Variants in STARD13 observed in about 807,000 individuals in gnomAD.
STARD13 encodes the protein stAR-related lipid transfer protein 13.
A neutral mutation model predicts 106.4 loss-of-function variants in STARD13; 62 were observed. The observed-to-expected ratio is 0.58, with a 90% CI of 0.48 to 0.72. The LOEUF (loss-of-function observed/expected upper bound fraction) is 0.72, where lower values mean the gene tolerates loss of function less well. STARD13 is among the 30% of genes least tolerant of loss of function. The pLI is 0.00. For missense variants in STARD13, 1,387 were observed against 1,424.0 expected, an observed-to-expected ratio of 0.97 and a Z score of 0.42; for synonymous variants, 565 against 553.0, an observed-to-expected ratio of 1.02 and a Z score of -0.31.
chr13:33,161,129 A>G (rs1245948588), intron 3 of STARD13, among the ~76,000 whole-genome samples: 5 of 152,216 alleles, frequency 3.3e-5, no homozygotes, highest in Non-Finnish European at 7.3e-5. Flanking sequence ...ATGAATTTTT[A>G]TTATTTTATA....
At chr13:33,556,011 G>T in the STARD13 span, among the ~76,000 whole-genome samples, 201 of 152,252 alleles carry the variant, frequency 1.3e-3, no homozygotes, top group Non-Finnish European at 2.4e-3. Context: ...TAGACACAGG[G>T]CTCTTTAGCT....
intron 4 of STARD13, among the ~76,000 whole-genome samples, chr13:33,141,842 C>T (rs1337542712): frequency 6.6e-6 from 1 of 151,852 alleles, no homozygotes; most frequent in African/African-American, 2.4e-5. Flanking sequence ...GAAAGATCAC[C>T]ATAAAGCACC....
intron 3 of STARD13, among the ~76,000 whole-genome samples, chr13:33,148,141 A>G (rs1880799558): frequency 6.6e-6 from 1 of 152,248 alleles, no homozygotes; most frequent in Non-Finnish European, 1.5e-5. Context: ...GAGAAAATCT[A>G]CATGACTTTG....
At chr13:33,457,846 G>T in the STARD13 span, among the ~76,000 whole-genome samples, 1 of 152,270 alleles carries the variant, frequency 6.6e-6, no homozygotes, top group Admixed American at 6.5e-5. Flanking sequence ...CATATTGGGG[G>T]TTAGATTTCA....
intron 8 of STARD13, among the ~76,000 whole-genome samples, chr13:33,114,514 T>C (rs778069827): frequency 3.3e-5 from 5 of 152,224 alleles, no homozygotes; most frequent in Non-Finnish European, 5.9e-5. Flanking sequence ...AGAGCCGTTT[T>C]GTTAAAATTA....
the STARD13 span, among the ~76,000 whole-genome samples, chr13:33,663,315 C>A: frequency 6.6e-6 from 1 of 151,580 alleles, no homozygotes; most frequent in Non-Finnish European, 1.5e-5. Context: ...CTTAAAAGAT[C>A]CAAAAATATT....
At chr13:33,568,948 T>C in the STARD13 span, among the ~76,000 whole-genome samples, 9 of 147,872 alleles carry the variant, frequency 6.1e-5, no homozygotes, top group African/African-American at 2.2e-4. Context: ...TTTTTTAAAC[T>C]ACCAATAACC....
At chr13:33,655,418 A>G in the STARD13 span, among the ~76,000 whole-genome samples, 5 of 152,226 alleles carry the variant, frequency 3.3e-5, no homozygotes, top group East Asian at 7.7e-4. Flanking sequence ...TAATTTAATG[A>G]GAGGCAAGTC....
the STARD13 span, among the ~76,000 whole-genome samples, chr13:33,440,859 G>A: frequency 3.2e-5 from 4 of 126,774 alleles, no homozygotes; most frequent in Admixed American, 2.0e-4. Context: ...CAAGTGATCC[G>A]CCCACCTCGG....
chr13:33,297,766 T>C (rs1005343398), intron 1 of STARD13, among the ~76,000 whole-genome samples: 2 of 152,182 alleles, frequency 1.3e-5, no homozygotes, highest in Non-Finnish European at 2.9e-5. Context: ...ACCAATGATA[T>C]ATGATACGGG....
upstream of STARD13, among the ~76,000 whole-genome samples, chr13:33,351,992 C>G (rs2078083364): frequency 6.6e-6 from 1 of 152,132 alleles, no homozygotes; most frequent in African/African-American, 2.4e-5. Context: ...TCTTTATTGT[C>G]TTATTTTGTT....
the STARD13 span, among the ~76,000 whole-genome samples, chr13:33,543,365 GT>G: frequency 1.3e-5 from 2 of 152,170 alleles, no homozygotes; most frequent in African/African-American, 4.8e-5. Context: ...TTTCAGAAAG[GT>G]AGCCTCAGAA....
the STARD13 span, among the ~76,000 whole-genome samples, chr13:33,512,964 C>A: frequency 1.3e-5 from 2 of 152,194 alleles, no homozygotes; most frequent in Non-Finnish European, 2.9e-5. Context: ...GGTTAAGCCA[C>A]CCAATGTGTG....
chr13:33,611,664 C>T, the STARD13 span: 1 of 152,224 alleles, frequency 6.6e-6, no homozygotes, highest in African/African-American at 2.4e-5. Flanking sequence ...GTGAGGTCCA[C>T]ATTTTGACAG....
the STARD13 span, among the ~76,000 whole-genome samples, chr13:33,613,711 G>T: frequency 6.6e-6 from 1 of 152,228 alleles, no homozygotes; most frequent in Non-Finnish European, 1.5e-5. Flanking sequence ...TGACAGGACA[G>T]GCTTTGAGCA....
chr13:33,422,688 C>T, the STARD13 span, among the ~76,000 whole-genome samples: 11 of 152,254 alleles, frequency 7.2e-5, no homozygotes, highest in East Asian at 2.1e-3. Flanking sequence ...TACCTGACTT[C>T]GAACTTTACT....
At chr13:33,577,420 A>T in the STARD13 span, among the ~76,000 whole-genome samples, 1 of 152,176 alleles carries the variant, frequency 6.6e-6, no homozygotes, top group South Asian at 2.1e-4. Flanking sequence ...AAGGGAAAGG[A>T]TCTGCCTTTT....
intron 1 of STARD13, among the ~76,000 whole-genome samples, chr13:33,255,975 A>C (rs1890343086): frequency 6.6e-6 from 1 of 152,232 alleles, no homozygotes; most frequent in South Asian, 2.1e-4. Context: ...TTTTATATCA[A>C]GTATAAATAA....
intron 1 of STARD13, among the ~76,000 whole-genome samples, chr13:33,249,239 G>A (rs976757366): frequency 2.0e-5 from 3 of 152,234 alleles, no homozygotes; most frequent in African/African-American, 7.2e-5. Context: ...GCCACAAGCA[G>A]CTGTCAATAA....
Sources: gnomAD v4.1 joint callset for allele counts (sites outside exome capture counted in the v4.1 genomes callset) on GRCh38, gnomAD v4.1.1 for gene constraint, MANE v1.5 for transcripts, NCBI Gene and HGNC (gene_info 2026-07-23, HGNC 2026-07-21) for gene names.